OSBPL10: variants seen among roughly 807,000 people sequenced by gnomAD.
The protein encoded by OSBPL10 is oxysterol binding protein like 10, also known as oxysterol-binding protein-related protein 10.
A neutral mutation model predicts 81.7 loss-of-function variants in OSBPL10; 49 were observed. The observed-to-expected ratio is 0.60, with a 90% CI of 0.48 to 0.76. OSBPL10 has a LOEUF of 0.76. OSBPL10 is among the 30% of genes least tolerant of loss of function. The pLI, the probability that OSBPL10 is intolerant of heterozygous loss-of-function variation, is 0.00. For missense variants in OSBPL10, 923 were observed against 987.8 expected (o/e 0.93, Z 0.88); for synonymous variants, 419 against 383.6 (o/e 1.09, Z -1.08).
chr3:31,824,457 C>A (rs1404554521), intron 4 of OSBPL10, among the ~76,000 whole-genome samples: 1 of 152,098 alleles, frequency 6.6e-6, no homozygotes, highest in East Asian at 1.9e-4. Flanking sequence ...AAAAAATGGT[C>A]CAAATCGTTC....
At chr3:31,709,454 T>C (rs1696182884) in intron 6 of OSBPL10, 1 of 152,122 alleles carries the variant, frequency 6.6e-6, no homozygotes, top group Admixed American at 6.5e-5. Flanking sequence ...AACAATTATA[T>C]TGAGAGGATT....
At chr3:31,817,941 C>T (rs1414062969) in intron 4 of OSBPL10, among the ~76,000 whole-genome samples, 1 of 152,132 alleles carries the variant, frequency 6.6e-6, no homozygotes, top group African/African-American at 2.4e-5. Context: ...CATGTCTCTA[C>T]AAAAAATACA....
At chr3:31,788,412 T>C (rs1698914980) in intron 4 of OSBPL10, among the ~76,000 whole-genome samples, 1 of 152,240 alleles carries the variant, frequency 6.6e-6, no homozygotes, top group Non-Finnish European at 1.5e-5. Flanking sequence ...TTAGTCCTTT[T>C]CCTGATTCCA....
intron 3 of OSBPL10, among the ~76,000 whole-genome samples, chr3:31,869,013 G>C (rs1398251014): frequency 6.6e-6 from 1 of 152,172 alleles, no homozygotes; most frequent in Non-Finnish European, 1.5e-5. Context: ...TGTTTTCCTT[G>C]AGGGATTTGT....
At chr3:31,699,676 A>G (rs1695835033) in intron 7 of OSBPL10, among the ~76,000 whole-genome samples, 2 of 152,258 alleles carry the variant, frequency 1.3e-5, no homozygotes, top group South Asian at 4.1e-4. Flanking sequence ...GGTGCTGAGC[A>G]ACCTCACAGG....
intron 1 of OSBPL10, among the ~76,000 whole-genome samples, chr3:31,949,522 G>C (rs1697802544): frequency 1.3e-5 from 2 of 151,700 alleles, no homozygotes; most frequent in Admixed American, 6.6e-5. Context: ...CAAAAAATTA[G>C]CTGGGCTTGG....
intron 4 of OSBPL10, among the ~76,000 whole-genome samples, chr3:31,762,509 G>A (rs1698074520): frequency 6.6e-6 from 1 of 151,756 alleles, no homozygotes; most frequent in Admixed American, 6.6e-5. Context: ...GTCTTGCTCT[G>A]TCACCCAGGC....
intron 1 of OSBPL10, among the ~76,000 whole-genome samples, chr3:31,895,065 G>A (rs753545930): frequency 8.6e-5 from 13 of 151,788 alleles, no homozygotes; most frequent in Admixed American, 3.9e-4. Flanking sequence ...AAACCAACCC[G>A]GAAAAGCTAC....
Position 31,820,367 on chromosome 3 carries a change from CG to C in OSBPL10, c.729+9672del, listed in dbSNP as rs576584605. Reference sequence around the variant, plus strand: ...ATCCCAGTGCTTTGGGAGGCTGAGGCGGGTGGCTCATGAGGTCAGGAGTCCA... The same window carrying C: ...ATCCCAGTGCTTTGGGAGGCTGAGGCGGTGGCTCATGAGGTCAGGAGTCCA... On this transcript the variant is annotated intron_variant, in intron 4 of 11. Coordinates refer to ENST00000396556, the MANE Select transcript of OSBPL10 (RefSeq NM_017784.5). 4.5e-3 allele frequency among the ~76,000 whole-genome samples: 686 copies of C among 152,114 alleles called. 2 individuals carry two copies. The highest frequency in any genetic ancestry group is 8.4e-3 in the Non-Finnish European group (568 of 67,976).
chr3:31,794,870 A>C (rs1032410925), intron 4 of OSBPL10: 5 of 378,574 alleles, frequency 1.3e-5, no homozygotes, highest in African/African-American at 1.1e-4. Context: ...GACACTGAAA[A>C]CCTTCATCAG....
intron 1 of OSBPL10, among the ~76,000 whole-genome samples, chr3:31,888,202 G>A (rs182692070): frequency 5.5e-4 from 83 of 152,184 alleles, no homozygotes; most frequent in African/African-American, 1.9e-3. Flanking sequence ...TTTGACAAAG[G>A]CACCAAAAAC....
chr3:31,976,971 G>C (rs1698709889), intron 1 of OSBPL10, among the ~76,000 whole-genome samples: 1 of 152,160 alleles, frequency 6.6e-6, no homozygotes, highest in African/African-American at 2.4e-5. Flanking sequence ...TCAAATACTT[G>C]ATATTATGAG....
chr3:31,743,031 GTTTTTTTTTTTTTTT>G lies in OSBPL10; in HGVS notation c.940+4864_940+4878del, dbSNP rs10715360. Among the ~76,000 whole-genome samples, 19 of 57,508 alleles carry G rather than the reference GTTTTTTTTTTTTTTT, an allele frequency of 3.3e-4. 1 individual carries two copies. Among genetic ancestry groups the G allele is most frequent in the Non-Finnish European group, 5.8e-4 (18 of 30,814 alleles). The allele number at this position is 57,508 out of a possible 152,430, so 37.7% of individuals were successfully genotyped here. ...AAGTCTTGACCGAAAAGCTAAATTA[GTTTTTTTTTTTTTTT>G]TTTTTTTTTTTTTAGAGAGAGTCTT... On this transcript the variant is annotated intron_variant, in intron 5 of 11. Transcript: ENST00000396556.
At chr3:31,991,132 T>C (rs1699023094) in intron 2 of OSBPL10, 7 of 799,776 alleles carry the variant, frequency 8.8e-6, no homozygotes, top group Non-Finnish European at 1.4e-5. Flanking sequence ...CAAGCATTAA[T>C]TGACATTAAA....
intron 3 of OSBPL10, among the ~76,000 whole-genome samples, chr3:31,864,082 C>G (rs1391805185): frequency 2.0e-5 from 3 of 152,208 alleles, no homozygotes; most frequent in Non-Finnish European, 4.4e-5. Flanking sequence ...GATTTCCCCA[C>G]AGTCCCAGGC....
intron 1 of OSBPL10, among the ~76,000 whole-genome samples, chr3:31,956,411 A>T (rs569719911): frequency 6.6e-5 from 10 of 152,328 alleles, no homozygotes; most frequent in Admixed American, 2.0e-4. Context: ...GAGGGACAAC[A>T]GAGCACATAA....
At chr3:31,777,598 A>T (rs1301399322) in intron 4 of OSBPL10, among the ~76,000 whole-genome samples, 6 of 152,204 alleles carry the variant, frequency 3.9e-5, no homozygotes, top group African/African-American at 1.4e-4. Flanking sequence ...GTGAAAGTGT[A>T]CTAGGAAAAT....
chr3:31,868,296 A>G (rs111630240), intron 3 of OSBPL10, among the ~76,000 whole-genome samples: 1 of 152,194 alleles, frequency 6.6e-6, no homozygotes, highest in Non-Finnish European at 1.5e-5. Context: ...ATAGAAAAAA[A>G]GGCCTTTGCA....
At chr3:31,873,449 G>C (rs745887890) in intron 3 of OSBPL10, among the ~76,000 whole-genome samples, 2 of 152,158 alleles carry the variant, frequency 1.3e-5, no homozygotes, top group Non-Finnish European at 2.9e-5. Context: ...GAAACCACAG[G>C]CTGGGTCATC....
Sources: allele counts gnomAD v4.1 joint callset (sites outside exome capture counted in the v4.1 genomes callset), GRCh38; gene constraint gnomAD v4.1.1; transcripts MANE v1.5; gene names NCBI Gene and HGNC (gene_info 2026-07-23, HGNC 2026-07-21).